The following UGT3A2 variants were observed in gnomAD, a reference collection of about 807,000 sequenced individuals.
UGT3A2 encodes the protein UDP-glycosyltransferase 3A2.
UGT3A2 carries 32 observed loss-of-function variants against 39.8 expected under a neutral mutation model. The ratio of observed to expected loss-of-function variants is 0.80; its 90% CI spans 0.61 to 1.08. The LOEUF is 1.08. Ranked by LOEUF, UGT3A2 falls within the 50% of genes least tolerant of loss-of-function variation. The pLI, the probability that UGT3A2 is intolerant of heterozygous loss-of-function variation, is 0.00. For missense variants in UGT3A2, 611 were observed against 637.1 expected, an observed-to-expected ratio of 0.96 and a Z score of 0.44; for synonymous variants, 241 against 230.7, an observed-to-expected ratio of 1.04 and a Z score of -0.40.
chr5:36,064,942 G>A (rs1448536250), intron 1 of UGT3A2, among the ~76,000 whole-genome samples: 4 of 152,206 alleles, frequency 2.6e-5, no homozygotes, highest in African/African-American at 9.6e-5. Flanking sequence ...ACTTAATTTA[G>A]GCCACACAAT....
intron 2 of UGT3A2, among the ~76,000 whole-genome samples, chr5:36,055,100 T>C (rs1247301076): frequency 5.3e-5 from 8 of 151,072 alleles, no homozygotes; most frequent in African/African-American, 1.9e-4. Flanking sequence ...GATCACACCA[T>C]GGCACTCCAG....
chr5:36,051,952 T>C lies in UGT3A2; in HGVS notation c.229A>G (p.Ile77Val). 4.4e-6 allele frequency: 7 copies of C among 1,581,296 alleles called. No individual in the cohort carries two copies. The highest frequency in any genetic ancestry group is 4.5e-5 in the East Asian group (2 of 43,990). The change falls in exon 3 of 7, where the codon ATC (isoleucine) becomes GTC (valine). Residue 77 changes from isoleucine to valine, a missense_variant. Ile to Val is a conservative substitution (Grantham distance 29). Coordinates refer to ENST00000282507, the MANE Select transcript of UGT3A2 (RefSeq NM_174914.4). ...FKKEEKSYQV[I>V]SWLAPEDHQR... Reference sequence around the variant, plus strand: ...TGATCTTCAGGTGCAAGCCAACTGATAACTTGATATGATTTTTCTTCCTTT... The same window carrying C: ...TGATCTTCAGGTGCAAGCCAACTGACAACTTGATATGATTTTTCTTCCTTT...
chr5:36,038,156 A>G, intron 5 of UGT3A2, 140 bp from the exon 6 acceptor site: 1 of 874,410 alleles, frequency 1.1e-6, no homozygotes, highest in Non-Finnish European at 1.7e-6. Context: ...TGCTTGGGAC[A>G]CATCCAATGT....
At chr5:36,045,753 C>T (rs1295065764) in intron 4 of UGT3A2, among the ~76,000 whole-genome samples, 1 of 151,870 alleles carries the variant, frequency 6.6e-6, no homozygotes, top group African/African-American at 2.4e-5. Context: ...ATGCAGGCAA[C>T]CAAAGGAAAA....
intron 2 of UGT3A2, 22 bp downstream of exon 2, chr5:36,064,227 C>G: frequency 6.2e-7 from 1 of 1,608,722 alleles, no homozygotes; most frequent in Non-Finnish European, 8.5e-7. Flanking sequence ...TAGGAGAAAT[C>G]AAGAAAAGTG....
chr5:36,064,487 C>T, intron 1 of UGT3A2, 137 bp from the exon 2 acceptor site: 1 of 772,230 alleles, frequency 1.3e-6, no homozygotes, highest in South Asian at 2.1e-5. Flanking sequence ...TGCCAGTCTC[C>T]TCATGTCCCT....
chr5:36,060,091 G>A (rs1386097870), intron 2 of UGT3A2, among the ~76,000 whole-genome samples: 1 of 152,212 alleles, frequency 6.6e-6, no homozygotes, highest in Non-Finnish European at 1.5e-5. Flanking sequence ...AGGAAGCTGA[G>A]AAACTGTTAG....
intron 2 of UGT3A2, among the ~76,000 whole-genome samples, chr5:36,058,388 A>G (rs1343734654): frequency 6.6e-6 from 1 of 152,126 alleles, no homozygotes; most frequent in Non-Finnish European, 1.5e-5. Context: ...GCGTTGTTGG[A>G]GGCCAAAAGA....
chr5:36,040,404 A>G (rs1464383118), intron 4 of UGT3A2, among the ~76,000 whole-genome samples: 1 of 152,218 alleles, frequency 6.6e-6, no homozygotes, highest in African/African-American at 2.4e-5. Context: ...CTTCATAAGA[A>G]CAAAAAAAAA....
chr5:36,061,724 A>T (rs1277803310), intron 2 of UGT3A2, among the ~76,000 whole-genome samples: 3 of 151,638 alleles, frequency 2.0e-5, no homozygotes, highest in Non-Finnish European at 4.4e-5. Flanking sequence ...TCTTTATAGC[A>T]GCATGATTTA....
intron 2 of UGT3A2, among the ~76,000 whole-genome samples, chr5:36,063,164 T>A (rs1742765777): frequency 6.6e-6 from 1 of 152,222 alleles, no homozygotes; most frequent in African/African-American, 2.4e-5. Context: ...TTTTCTTTTT[T>A]AAAATTATAG....
rs749180303 is a variant in UGT3A2 at position 36,039,471 on chromosome 5, C to A, written c.1075+6G>T. The A allele has an allele frequency of 1.2e-6, 2 of 1,612,370 alleles. No homozygotes were observed. The highest frequency in any genetic ancestry group is 1.7e-6 in the Non-Finnish European group (2 of 1,178,906). On this transcript the variant is annotated splice_donor_region_variant and intron_variant, in intron 5 of 6. Coordinates refer to ENST00000282507, the MANE Select transcript of UGT3A2 (RefSeq NM_174914.4). ...AAGGAGAGGAGCAGTCCTGGGCAGCCCTTACCCAGGAGGTCACTCTGAGGA... is the reference window on the plus strand; with the variant it reads ...AAGGAGAGGAGCAGTCCTGGGCAGCACTTACCCAGGAGGTCACTCTGAGGA...
At chr5:36,051,402 T>A (rs1457199057) in intron 3 of UGT3A2, among the ~76,000 whole-genome samples, 6 of 152,212 alleles carry the variant, frequency 3.9e-5, no homozygotes, top group Admixed American at 3.9e-4. Context: ...CCAATGTTCA[T>A]AAGCCTTCCC....
At chr5:36,044,450 A>T (rs114926104) in intron 4 of UGT3A2, among the ~76,000 whole-genome samples, 3,730 of 152,272 alleles carry the variant, frequency 0.024, 68 homozygotes, top group Non-Finnish European at 0.038. Context: ...TACCACAGTT[A>T]TTCAACATAG....
intron 1 of UGT3A2, 29 bp downstream of exon 1, chr5:36,066,667 G>C: frequency 2.5e-6 from 4 of 1,613,778 alleles, no homozygotes; most frequent in Non-Finnish European, 3.4e-6. Context: ...GGACGCGCCT[G>C]TCTGGGAATT....
At chr5:36,066,374 C>T (rs16902706) in intron 1 of UGT3A2, among the ~76,000 whole-genome samples, 13,306 of 152,240 alleles carry the variant, frequency 0.087, 1,994 homozygotes, top group African/African-American at 0.3. Flanking sequence ...CCCACTGCGC[C>T]CTGGAGAAGG....
At chr5:36,061,486 C>A (rs1039249868) in intron 2 of UGT3A2, among the ~76,000 whole-genome samples, 3 of 149,200 alleles carry the variant, frequency 2.0e-5, no homozygotes, top group African/African-American at 7.5e-5. Context: ...TGAGAATATG[C>A]GGTGTTTGGT....
rs746215543 is a variant in UGT3A2 at position 36,066,663 on chromosome 5, G to T, written c.94+33C>A. ...CTGGCAGTGCGAGTATCCGGGACGC[G>T]CCTGTCTGGGAATTCTCCGGCCAAG... On this transcript the variant is annotated intron_variant, in intron 1 of 6. Transcript: ENST00000282507. The T allele has an allele frequency of 6.8e-6, 11 of 1,613,124 alleles. No individual in the cohort carries two copies. In the South Asian group the frequency reaches 1.2e-4, roughly 18 times the overall value.
intron 4 of UGT3A2, among the ~76,000 whole-genome samples, chr5:36,043,153 T>C (rs964202449): frequency 2.0e-5 from 3 of 151,898 alleles, no homozygotes; most frequent in African/African-American, 7.3e-5. Flanking sequence ...TTTTAAGAAA[T>C]TCAAAAAAAT....
Sources: allele counts gnomAD v4.1 joint callset (sites outside exome capture counted in the v4.1 genomes callset), GRCh38; gene constraint gnomAD v4.1.1; transcripts MANE v1.5; gene names NCBI Gene and HGNC (gene_info 2026-07-23, HGNC 2026-07-21).